NCOA1: variants seen among roughly 807,000 people sequenced by gnomAD.
NCOA1 encodes the protein Hin-2 protein.
In NCOA1, 35 loss-of-function variants were observed where a neutral mutation model predicts 150.9. That is an observed-to-expected ratio of 0.23 (90% CI 0.18 to 0.31). The LOEUF (loss-of-function observed/expected upper bound fraction) is 0.31, where lower values mean the gene tolerates loss of function less well. NCOA1 is among the 10% of genes least tolerant of loss of function. NCOA1 has a pLI of 1.00. For missense variants in NCOA1, 1,491 were observed against 1,749.3 expected, an observed-to-expected ratio of 0.85 and a Z score of 2.63; for synonymous variants, 590 against 630.0, an observed-to-expected ratio of 0.94 and a Z score of 0.95.
At chr2:24,665,654 A>G in intron 5 of NCOA1, 95 bp from the exon 6 acceptor site, 1 of 991,370 alleles carries the variant, frequency 1.0e-6, no homozygotes, top group Non-Finnish European at 1.3e-6. Context: ...CGATAAAAAT[A>G]AAGATCTCAC....
chr2:24,720,858 C>G (rs1229969601), intron 14 of NCOA1, among the ~76,000 whole-genome samples: 2 of 152,136 alleles, frequency 1.3e-5, no homozygotes, highest in Non-Finnish European at 2.9e-5. Flanking sequence ...TTGATTGGCC[C>G]ACATCTTAAG....
intron 5 of NCOA1, among the ~76,000 whole-genome samples, chr2:24,661,808 A>G (rs6746301): frequency 0.079 from 12,015 of 152,124 alleles, 552 homozygotes; most frequent in East Asian, 0.13. Context: ...ATGAAACAAG[A>G]CGTTCTTGGT....
intron 1 of NCOA1, among the ~76,000 whole-genome samples, chr2:24,546,326 A>G (rs1276004967): frequency 2.0e-5 from 3 of 152,208 alleles, no homozygotes; most frequent in Non-Finnish European, 2.9e-5. Context: ...GAACAAAAGT[A>G]TCAAGACCAC....
At chr2:24,624,474 A>G (rs971041997) in intron 3 of NCOA1, among the ~76,000 whole-genome samples, 1 of 152,218 alleles carries the variant, frequency 6.6e-6, no homozygotes, top group Non-Finnish European at 1.5e-5. Context: ...AATAAGAACA[A>G]AAAGTTTTCA....
At chr2:24,569,722 T>A (rs1192591893) in intron 2 of NCOA1, among the ~76,000 whole-genome samples, 2 of 151,476 alleles carry the variant, frequency 1.3e-5, no homozygotes, top group African/African-American at 4.8e-5. Flanking sequence ...ATACAAAAAT[T>A]AGCTGGGTGC....
intron 2 of NCOA1, among the ~76,000 whole-genome samples, chr2:24,579,483 G>A (rs1667114950): frequency 6.6e-6 from 1 of 152,136 alleles, no homozygotes; most frequent in Non-Finnish European, 1.5e-5. Flanking sequence ...ATATAAGACA[G>A]GTTCACTCAG....
intron 3 of NCOA1, among the ~76,000 whole-genome samples, chr2:24,634,309 CTGT>C (rs1669837192): frequency 6.6e-6 from 1 of 152,108 alleles, no homozygotes; most frequent in Admixed American, 6.5e-5. Context: ...CACAATGTTA[CTGT>C]TGTTAATTCT....
At chr2:24,606,276 G>C in intron 3 of NCOA1, among the ~76,000 whole-genome samples, 1 of 151,860 alleles carries the variant, frequency 6.6e-6, no homozygotes, top group Non-Finnish European at 1.5e-5. Flanking sequence ...TCACTCCGTT[G>C]CCAAGGCTGG....
In NCOA1 at chr2:24,666,022, TA is replaced by T. The variant is rs201239147; in HGVS notation, c.256+108del. Reference sequence around the variant, plus strand: ...ATTATTATTATTTTATTATTATTATTATTTTTTGAGATGAAGTCCCGCTCTG... The same window carrying T: ...ATTATTATTATTTTATTATTATTATTTTTTTTGAGATGAAGTCCCGCTCTG... On this transcript the variant is annotated intron_variant, in intron 6 of 22. Coordinates refer to ENST00000348332, the MANE Select transcript of NCOA1 (RefSeq NM_003743.5). The T allele has an allele frequency of 3.0e-3, 2,115 of 705,786 alleles. 4 individuals carry two copies. Among genetic ancestry groups the T allele is most frequent in the Non-Finnish European group, 3.4e-3 (1,855 of 549,936 alleles). The allele number at this position is 705,786 out of a possible 1,614,324, so 43.7% of individuals were successfully genotyped here.
chr2:24,561,870 A>C (rs747202765), intron 1 of NCOA1, among the ~76,000 whole-genome samples: 3 of 152,174 alleles, frequency 2.0e-5, no homozygotes, highest in Non-Finnish European at 4.4e-5. Flanking sequence ...TCAGAGACCA[A>C]CCTTATGGGC....
At position 24,585,943 on chromosome 2, in the gene NCOA1, CAT is replaced by C. The variant is rs377576921; in HGVS notation, c.-175+1386_-175+1387del. ...TATATTCATCAAATTAAAAAGTAAACATATGAAGGATTTTTAATTACGATTGC... is the reference window on the plus strand; with the variant it reads ...TATATTCATCAAATTAAAAAGTAAACATGAAGGATTTTTAATTACGATTGC... On this transcript the variant is annotated intron_variant, in intron 3 of 22. Transcript: ENST00000348332. Among the ~76,000 whole-genome samples the C allele has an allele frequency of 4.1e-3, 620 of 152,200 alleles. 7 individuals carry two copies. Among genetic ancestry groups the C allele is most frequent in the African/African-American group, 0.014 (597 of 41,530 alleles).
chr2:24,763,537 C>CAAA (rs35265100), intron 22 of NCOA1, among the ~76,000 whole-genome samples: 1 of 80,894 alleles, frequency 1.2e-5, no homozygotes, highest in Non-Finnish European at 2.3e-5. Flanking sequence ...GACTCCATCT[C>CAAA]AAAAAAAAAA....
rs758519243 is a variant in NCOA1 at position 24,706,873 on chromosome 2, C to G, written c.1403C>G (p.Ser468Cys). 4 of 1,614,208 alleles carry G rather than the reference C, an allele frequency of 2.5e-6. No individual in the cohort carries two copies. The South Asian group carries it at 4.4e-5, about 18-fold the overall frequency. Residue 468 changes from serine to cysteine, a missense_variant, in exon 13 of 23, where the codon TCT becomes TGT. By Grantham distance (112) the Ser-to-Cys change is moderately radical. Coordinates refer to ENST00000348332, the MANE Select transcript of NCOA1 (RefSeq NM_003743.5). ...GQASSQSSNP[S>C]LNLNNSPMEG... ...GCCAGTTCACAGAGCAGTAATCCCT[C>G]TTTAAACCTCAATAATTCTCCTATG...
In NCOA1 at chr2:24,516,965, C is replaced by CGTGTATATATACGT. The variant is rs1156713104; in HGVS notation, c.-396+25365_-396+25366insGTATATATACGTGT. 4.6e-3 allele frequency among the ~76,000 whole-genome samples: 416 copies of CGTGTATATATACGT among 90,306 alleles called. 7 individuals are homozygous for CGTGTATATATACGT. Among genetic ancestry groups the CGTGTATATATACGT allele is most frequent in the African/African-American group, 0.015 (404 of 27,078 alleles). 59.2% of individuals were successfully genotyped at this position (90,306 alleles called of 152,430 possible). A position where few individuals can be genotyped will look rare whatever the true frequency, so the allele number is the denominator to read the frequency against. On this transcript the variant is annotated intron_variant, in intron 1 of 22. Transcript: ENST00000348332. ...ATACGTATATATACAAGTATATATA[C>CGTGTATATATACGT]GTATATATACACATATACGTATATA...
At chr2:24,744,157 C>T (rs1011207923) in intron 19 of NCOA1, among the ~76,000 whole-genome samples, 1 of 152,172 alleles carries the variant, frequency 6.6e-6, no homozygotes, top group East Asian at 1.9e-4. Context: ...CCTCTTTCCC[C>T]GTACCATAAT....
chr2:24,531,819 G>T (rs186587295), intron 1 of NCOA1, among the ~76,000 whole-genome samples: 7 of 152,302 alleles, frequency 4.6e-5, no homozygotes, highest in Admixed American at 3.3e-4. Context: ...GTATTCCATG[G>T]TGTATGTGTG....
intron 3 of NCOA1, among the ~76,000 whole-genome samples, chr2:24,611,767 G>C (rs1478378236): frequency 6.6e-6 from 1 of 151,988 alleles, no homozygotes; most frequent in Non-Finnish European, 1.5e-5. Flanking sequence ...TCATTTACAT[G>C]ATAGATCTTT....
intron 17 of NCOA1, among the ~76,000 whole-genome samples, chr2:24,731,645 G>T (rs556140789): frequency 6.6e-6 from 1 of 152,130 alleles, no homozygotes; most frequent in Admixed American, 6.5e-5. Context: ...GTAGAATAAA[G>T]GATTCAAAGA....
intron 11 of NCOA1, among the ~76,000 whole-genome samples, chr2:24,698,606 C>G (rs1265340162): frequency 2.0e-5 from 3 of 152,122 alleles, no homozygotes; most frequent in African/African-American, 7.2e-5. Flanking sequence ...CTTTGATATA[C>G]TTTAAAAATA....
Sources: allele counts gnomAD v4.1 joint callset (sites outside exome capture counted in the v4.1 genomes callset), GRCh38; gene constraint gnomAD v4.1.1; transcripts MANE v1.5; gene names NCBI Gene and HGNC (gene_info 2026-07-23, HGNC 2026-07-21).